Variants in EIF4B observed in about 807,000 individuals in gnomAD.
EIF4B encodes eukaryotic translation initiation factor 4B.
A neutral mutation model predicts 79.3 loss-of-function variants in EIF4B; 8 were observed. The ratio of observed to expected loss-of-function variants is 0.10; its 90% CI spans 0.06 to 0.18. The LOEUF (loss-of-function observed/expected upper bound fraction) is 0.18. EIF4B is among the 10% of genes least tolerant of loss of function. The probability of loss-of-function intolerance (pLI) is 1.00; values close to 1 mark genes in which losing one functional copy is unlikely to be tolerated. For missense variants in EIF4B, 515 were observed against 792.4 expected, an observed-to-expected ratio of 0.65 and a Z score of 4.20; for synonymous variants, 238 against 274.7, an observed-to-expected ratio of 0.87 and a Z score of 1.32.
chr12:53,023,748 T>C (rs1488783067), intron 6 of EIF4B, among the ~76,000 whole-genome samples: 1 of 151,510 alleles, frequency 6.6e-6, no homozygotes, highest in Non-Finnish European at 1.5e-5. Flanking sequence ...CATGCCTGGC[T>C]AATTTTGTAT....
chr12:53,016,325 A>C lies in EIF4B; in HGVS notation c.14-148A>C, dbSNP rs1032443738. 5 of 1,008,760 alleles carry C rather than the reference A, an allele frequency of 5.0e-6. No individual in the cohort carries two copies. In the African/African-American group the frequency reaches 8.2e-5, roughly 17 times the overall value. 62.5% of individuals were successfully genotyped at this position (1,008,760 alleles called of 1,614,324 possible). ...TTAAATTTCTTATTTATGTCTGCAT[A>C]GTACCCCTTCATGGAAATGCCATAA... is the stretch of plus-strand genomic sequence containing the variant. On this transcript the variant is annotated intron_variant, in intron 1 of 14. Coordinates refer to ENST00000262056, the MANE Select transcript of EIF4B (RefSeq NM_001417.7).
chr12:53,006,639 T>C, intron 1 of EIF4B, 143 bp downstream of exon 1: 8 of 1,454,918 alleles, frequency 5.5e-6, no homozygotes, highest in Non-Finnish European at 7.5e-6. Flanking sequence ...GGCGTGGCCC[T>C]GTTAGGTTAC....
intron 1 of EIF4B, among the ~76,000 whole-genome samples, chr12:53,013,191 G>C (rs938601321): frequency 6.6e-6 from 1 of 152,192 alleles, no homozygotes; most frequent in Admixed American, 6.5e-5. Context: ...TACGTATATA[G>C]AACAAAGAGG....
intron 4 of EIF4B, 51 bp downstream of exon 4, chr12:53,020,077 T>C: frequency 6.8e-7 from 1 of 1,460,774 alleles, no homozygotes; most frequent in Non-Finnish European, 9.3e-7. Flanking sequence ...ACAAATCTCA[T>C]GTTTATTGAT....
chr12:53,012,589 T>C (rs1467936190), intron 1 of EIF4B, among the ~76,000 whole-genome samples: 2 of 151,552 alleles, frequency 1.3e-5, no homozygotes, highest in Non-Finnish European at 2.9e-5. Context: ...TAATTTCTTT[T>C]TTTTTTCCTT....
At chr12:53,019,697 T>A (rs1403813460) in intron 3 of EIF4B, among the ~76,000 whole-genome samples, 2 of 139,960 alleles carry the variant, frequency 1.4e-5, no homozygotes, top group Non-Finnish European at 3.2e-5. Context: ...TTTTTTAGAG[T>A]TAAATTCATA....
intron 12 of EIF4B, 130 bp downstream of exon 12, chr12:53,038,541 G>A (rs1943576145): frequency 9.0e-6 from 7 of 775,928 alleles, no homozygotes; most frequent in African/African-American, 3.6e-5. Context: ...TTGGCCAGGC[G>A]CAGGGGCTCA....
At chr12:53,029,833 C>CTT (rs1388299304) in intron 8 of EIF4B, among the ~76,000 whole-genome samples, 1 of 152,142 alleles carries the variant, frequency 6.6e-6, no homozygotes, top group Admixed American at 6.6e-5. Flanking sequence ...TATGGCAATT[C>CTT]TATTGCAGTG....
chr12:53,030,925 C>A (rs966669140), intron 8 of EIF4B, among the ~76,000 whole-genome samples: 1 of 151,964 alleles, frequency 6.6e-6, no homozygotes, highest in African/African-American at 2.4e-5. Context: ...CTGACCTTTT[C>A]CTCTCTCACA....
intron 12 of EIF4B, 110 bp downstream of exon 12, chr12:53,038,521 A>G: frequency 8.9e-7 from 1 of 1,128,214 alleles, no homozygotes; most frequent in Non-Finnish European, 1.2e-6. Flanking sequence ...CCGTGTTAAG[A>G]GTTCTTGGGT....
At chr12:53,033,498 A>G (rs1943484812) in intron 8 of EIF4B, among the ~76,000 whole-genome samples, 1 of 150,566 alleles carries the variant, frequency 6.6e-6, no homozygotes, top group Non-Finnish European at 1.5e-5. Context: ...GCGCGCCCCA[A>G]CGCCCAGCTA....
intron 6 of EIF4B, among the ~76,000 whole-genome samples, chr12:53,024,490 C>T (rs532666751): frequency 7.2e-5 from 11 of 152,112 alleles, no homozygotes; most frequent in Non-Finnish European, 1.0e-4. Flanking sequence ...TGTTTTTAGT[C>T]TGTAACATAT....
intron 8 of EIF4B, 147 bp from the exon 9 acceptor site, chr12:53,033,659 A>G: frequency 1.1e-6 from 1 of 884,084 alleles, no homozygotes; most frequent in Non-Finnish European, 1.7e-6. Context: ...CTGTTTTCTA[A>G]TGATCTATTT....
chr12:53,029,120 CAA>C (rs35596570), intron 8 of EIF4B, among the ~76,000 whole-genome samples: 1 of 145,060 alleles, frequency 6.9e-6, no homozygotes, highest in Non-Finnish European at 1.5e-5. Flanking sequence ...GAGACTGTCT[CAA>C]AAAAAAAAAA....
At chr12:53,027,136 A>ATTATTATTATTATTATTATTATT (rs777111413) in intron 6 of EIF4B, among the ~76,000 whole-genome samples, 1 of 29,444 alleles carries the variant, frequency 3.4e-5, no homozygotes, top group African/African-American at 5.9e-5. Flanking sequence ...AAAAAAAAAA[A>ATTATTATTATTATTATTATTATT]ATTTTTTTTT....
chr12:53,008,746 A>G (rs1943011649), intron 1 of EIF4B: 1 of 152,242 alleles, frequency 6.6e-6, no homozygotes, highest in Non-Finnish European at 1.5e-5. Flanking sequence ...CTTAAAAAGA[A>G]TTCTTAAAGG....
chr12:53,039,195 A>G (rs777534029), intron 12 of EIF4B, 43 bp from the exon 13 acceptor site: 29 of 1,391,476 alleles, frequency 2.1e-5, no homozygotes, highest in Middle Eastern at 1.9e-4. Flanking sequence ...GGACATTGAT[A>G]CTTTTACTTG....
In EIF4B at chr12:53,037,532, C is replaced by G. The variant is rs1943559897; in HGVS notation, c.1430C>G (p.Pro477Arg). ...CAGCCCCTAAAGGTAATGCCAGCCCCTCCACCAAAGGAGAATGCTTGGGTG... is the reference window on the plus strand; with the variant it reads ...CAGCCCCTAAAGGTAATGCCAGCCCGTCCACCAAAGGAGAATGCTTGGGTG... ...PDQPLKVMPA[P>R]PPKENAWVKR... The change falls in exon 11 of 15, where the codon CCT becomes CGT. Residue 477 changes from proline to arginine, a missense_variant. By Grantham distance (103) the Pro-to-Arg change is moderately radical. Around this residue, in one of 6 missense-constraint regions of EIF4B, gnomAD observed 146 missense variants for 228.0 expected, o/e 0.64. Transcript: ENST00000262056. 1.9e-6 allele frequency: 3 copies of G among 1,613,998 alleles called. No individual in the cohort carries two copies. The highest frequency in any genetic ancestry group is 2.5e-6 in the Non-Finnish European group (3 of 1,179,866).
chr12:53,022,813 T>G (rs1388943729), intron 6 of EIF4B, among the ~76,000 whole-genome samples, 186 bp downstream of exon 6: 1 of 152,208 alleles, frequency 6.6e-6, no homozygotes, highest in Non-Finnish European at 1.5e-5. Flanking sequence ...AATTAATAAT[T>G]TTTTTTGAAA....
Sources: gnomAD v4.1 joint callset for allele counts (sites outside exome capture counted in the v4.1 genomes callset) on GRCh38, gnomAD v4.1.1 for gene constraint, gnomAD v4.1.1 regional missense constraint, MANE v1.5 for transcripts, NCBI Gene and HGNC (gene_info 2026-07-23, HGNC 2026-07-21) for gene names.